The following PRKAR2A variants were observed in gnomAD, a reference collection of about 807,000 sequenced individuals.
PRKAR2A encodes the protein protein kinase cAMP-dependent type II regulatory subunit alpha, also known as cAMP-dependent protein kinase type II-alpha regulatory subunit.
Under a neutral mutation model 51.9 loss-of-function variants are expected in PRKAR2A, and 29 were observed. The ratio of observed to expected loss-of-function variants is 0.56; its 90% CI spans 0.42 to 0.76. The LOEUF is 0.76. Ranked by LOEUF, PRKAR2A falls within the 30% of genes least tolerant of loss-of-function variation. PRKAR2A has a pLI of 0.00. For missense variants in PRKAR2A, 445 were observed against 512.1 expected (o/e 0.87, Z 1.26); for synonymous variants, 178 against 186.2 (o/e 0.96, Z 0.36).
At chr3:48,763,734 T>C in intron 8 of PRKAR2A, among the ~76,000 whole-genome samples, 1 of 152,204 alleles carries the variant, frequency 6.6e-6, no homozygotes, top group Non-Finnish European at 1.5e-5. Context: ...ATTTCCTCAA[T>C]GAAACCATAT....
chr3:48,782,318 A>C (rs181155512), intron 5 of PRKAR2A, among the ~76,000 whole-genome samples: 174 of 152,340 alleles, frequency 1.1e-3, no homozygotes, highest in African/African-American at 4.1e-3. Context: ...CTCAAATACA[A>C]ACATTCAAAT....
chr3:48,758,004 C>T (rs1351594074), intron 8 of PRKAR2A, among the ~76,000 whole-genome samples: 3 of 151,820 alleles, frequency 2.0e-5, no homozygotes, highest in African/African-American at 4.8e-5. Context: ...TGCAGTGAGC[C>T]GAGATCACGC....
chr3:48,790,945 C>CAA (rs35348573), intron 3 of PRKAR2A, among the ~76,000 whole-genome samples: 2 of 142,880 alleles, frequency 1.4e-5, no homozygotes, highest in African/African-American at 5.2e-5. Flanking sequence ...AGCATCGACT[C>CAA]AAAAAAAAAA....
At chr3:48,773,133 TAATTA>T in intron 5 of PRKAR2A, 25 bp from the exon 6 acceptor site, 1 of 1,567,612 alleles carries the variant, frequency 6.4e-7, no homozygotes, top group Non-Finnish European at 8.8e-7. Context: ...AAGAATAATT[TAATTA>T]GTTACTTCTG....
intron 1 of PRKAR2A, among the ~76,000 whole-genome samples, chr3:48,832,722 C>T (rs1278850964): frequency 1.3e-5 from 2 of 151,968 alleles, no homozygotes; most frequent in African/African-American, 4.8e-5. Context: ...AACTCACAGG[C>T]AGTGCACCAA....
intron 6 of PRKAR2A, among the ~76,000 whole-genome samples, chr3:48,768,298 T>TAGATAGATAGAC (rs2081971092): frequency 7.7e-6 from 1 of 130,564 alleles, no homozygotes; most frequent in Admixed American, 7.5e-5. Context: ...TCTCAAAAGA[T>TAGATAGATAGAC]AGATAGATAG....
At chr3:48,846,847 G>C (rs1043965482) in intron 1 of PRKAR2A, among the ~76,000 whole-genome samples, 1 of 152,168 alleles carries the variant, frequency 6.6e-6, no homozygotes, top group South Asian at 2.1e-4. Flanking sequence ...TGTGACAAAC[G>C]CAACTGTTAA....
intron 5 of PRKAR2A, among the ~76,000 whole-genome samples, chr3:48,773,953 C>T (rs2082068071): frequency 1.3e-5 from 1 of 77,888 alleles, no homozygotes; most frequent in Non-Finnish European, 2.6e-5. Context: ...CCTCTCACCT[C>T]AGCCCCGAGT....
intron 8 of PRKAR2A, among the ~76,000 whole-genome samples, chr3:48,756,869 A>T (rs1213965092): frequency 6.6e-6 from 1 of 152,234 alleles, no homozygotes; most frequent in African/African-American, 2.4e-5. Context: ...CCCTTTGACC[A>T]TCACACAGAG....
intron 1 of PRKAR2A, among the ~76,000 whole-genome samples, chr3:48,838,482 C>T (rs1237871453): frequency 2.0e-5 from 3 of 151,658 alleles, no homozygotes; most frequent in Admixed American, 6.6e-5. Flanking sequence ...TGGCACATGC[C>T]GGTAATCCCA....
In PRKAR2A at chr3:48,798,754, G is replaced by C. The variant is rs558164122; in HGVS notation, c.299-4705C>G. Among the ~76,000 whole-genome samples, 13 of 150,610 alleles carry C rather than the reference G, an allele frequency of 8.6e-5. No individual in the cohort carries two copies. In the South Asian group the frequency reaches 2.5e-3, roughly 29 times the overall value. ...CAGCTCACTGCAACCTAAGCCTCCC[G>C]GGTTCAGGTGATTCTCGTGCCTCAG... On this transcript the variant is annotated intron_variant, in intron 2 of 10. Transcript: ENST00000265563.
chr3:48,842,304 A>G (rs915186110), intron 1 of PRKAR2A, among the ~76,000 whole-genome samples: 1 of 152,178 alleles, frequency 6.6e-6, no homozygotes, highest in African/African-American at 2.4e-5. Context: ...CAGCTTAAGG[A>G]GATTTGGGGC....
chr3:48,787,178 TTATTTATTTATG>T (rs1280183492), intron 4 of PRKAR2A, among the ~76,000 whole-genome samples: 12 of 151,052 alleles, frequency 7.9e-5, no homozygotes, highest in African/African-American at 1.2e-4. Flanking sequence ...ATTTATTTAT[TTATTTATTTATG>T]TATTTATTTA....
intron 3 of PRKAR2A, among the ~76,000 whole-genome samples, chr3:48,790,834 G>T (rs561857915): frequency 1.8e-4 from 27 of 152,228 alleles, no homozygotes; most frequent in African/African-American, 6.0e-4. Flanking sequence ...GAAGCTACCT[G>T]CCGACTACAT....
At chr3:48,781,576 G>A (rs546045275) in intron 5 of PRKAR2A, among the ~76,000 whole-genome samples, 1 of 151,524 alleles carries the variant, frequency 6.6e-6, no homozygotes, top group African/African-American at 2.4e-5. Context: ...GCAGTGGGGC[G>A]ATCTCAGCTT....
At chr3:48,836,419 T>TAAAAAAGAAAAAAAAAAAAAAAA (rs2083285101) in intron 1 of PRKAR2A, among the ~76,000 whole-genome samples, 1 of 56,136 alleles carries the variant, frequency 1.8e-5, no homozygotes, top group African/African-American at 9.0e-5. Flanking sequence ...AGACTCCGTC[T>TAAAAAAGAAAAAAAAAAAAAAAA]AAAAAAAAAA....
chr3:48,751,802 T>C, intron 10 of PRKAR2A, 84 bp from the exon 11 acceptor site: 2 of 1,498,698 alleles, frequency 1.3e-6, no homozygotes, highest in East Asian at 2.3e-5. Flanking sequence ...TACCCATTCA[T>C]GTTGTATGAG....
chr3:48,824,854 G>C (rs1433542964), intron 1 of PRKAR2A, among the ~76,000 whole-genome samples: 3 of 151,576 alleles, frequency 2.0e-5, no homozygotes, highest in African/African-American at 7.3e-5. Context: ...GCTGAGGTAG[G>C]AGAATCACTT....
chr3:48,787,017 G>A (rs1013243248), intron 4 of PRKAR2A, among the ~76,000 whole-genome samples: 2 of 152,114 alleles, frequency 1.3e-5, no homozygotes, highest in Admixed American at 6.6e-5. Context: ...TCTTCAAAGT[G>A]TCAAGATTAT....
Sources: gnomAD v4.1 joint callset for allele counts (sites outside exome capture counted in the v4.1 genomes callset) on GRCh38, gnomAD v4.1.1 for gene constraint, MANE v1.5 for transcripts, NCBI Gene and HGNC (gene_info 2026-07-23, HGNC 2026-07-21) for gene names.